Variants in GSE1 observed in about 807,000 individuals in gnomAD.
GSE1 encodes the protein Gse1 coiled-coil protein.
A neutral mutation model predicts 112.6 loss-of-function variants in GSE1; 32 were observed. That is an observed-to-expected ratio of 0.28 (90% CI 0.21 to 0.38). The LOEUF (loss-of-function observed/expected upper bound fraction) is 0.38. GSE1 is among the 10% of genes least tolerant of loss of function. The probability of loss-of-function intolerance (pLI) is 1.00; values close to 1 mark genes in which losing one functional copy is unlikely to be tolerated. For synonymous variants in GSE1, 1,115 were observed against 735.6 expected, an observed-to-expected ratio of 1.52 and a Z score of -8.35; for missense variants, 2,348 against 1,699.2, an observed-to-expected ratio of 1.38 and a Z score of -6.71.
rs550530556 is a variant in GSE1, at chr16:85,329,170, C to A, written c.2284-28293C>A. The stretch of plus-strand genomic sequence containing the variant: ...CCACAGCCTTGGCATCAAACCAAGC[C>A]CAGCTAGAAACCCAGCATCGCCCTT... On this transcript the variant is annotated intron_variant, in intron 1 of 2. Coordinates refer to the GSE1 transcript ENST00000637419. 1.1e-4 allele frequency among the ~76,000 whole-genome samples: 16 copies of A among 152,324 alleles called. No homozygotes were observed. In the East Asian group the frequency reaches 3.1e-3, roughly 29 times the overall value.
chr16:85,645,850 C>T (rs1022393411), intron 2 of GSE1, among the ~76,000 whole-genome samples: 2 of 151,908 alleles, frequency 1.3e-5, no homozygotes, highest in African/African-American at 2.4e-5. Flanking sequence ...CCTATGCATG[C>T]ATTCTACCTG....
intron 1 of GSE1, among the ~76,000 whole-genome samples, chr16:85,237,839 C>G (rs954089114): frequency 7.3e-6 from 1 of 137,180 alleles, no homozygotes; most frequent in East Asian, 2.6e-4. Context: ...CTCTGTCCCC[C>G]GCAAAAAAAA....
chr16:85,618,810 G>GCGA (rs1016447342), intron 1 of GSE1, among the ~76,000 whole-genome samples: 23 of 152,216 alleles, frequency 1.5e-4, no homozygotes, highest in African/African-American at 5.1e-4. Flanking sequence ...GATGCGTGCC[G>GCGA]CGACACCTGG....
chr16:85,246,035 C>CTT (rs1905628671), intron 1 of GSE1, among the ~76,000 whole-genome samples: 1 of 151,296 alleles, frequency 6.6e-6, no homozygotes, highest in Admixed American at 6.6e-5. Context: ...TGGGGGTTGT[C>CTT]TGCATGTGTT....
chr16:85,181,524 C>T (rs116858741), intron 1 of GSE1, among the ~76,000 whole-genome samples: 24 of 152,338 alleles, frequency 1.6e-4, no homozygotes, highest in Non-Finnish European at 3.1e-4. Context: ...AGGAGGCCGC[C>T]GTGCTCTCTC....
intron 1 of GSE1, among the ~76,000 whole-genome samples, chr16:85,243,697 T>TGTGTGTGGACGCATCTGTGC (rs1265681362): frequency 6.6e-6 from 1 of 152,168 alleles, no homozygotes; most frequent in Non-Finnish European, 1.5e-5. Context: ...CAGGTGAGCA[T>TGTGTGTGGACGCATCTGTGC]GTGTGTGGAC....
Position 85,331,357 on chromosome 16 carries a change from G to GTATATATATATA in GSE1, c.2284-26105_2284-26104insATATATATATAT, listed in dbSNP as rs1161946667. ...TGTGTGTGTGTGTGTGTGTGTGTGT[G>GTATATATATATA]TGTGTGTGTATATATGTATATATAT... On this transcript the variant is annotated intron_variant, in intron 1 of 2. Transcript: ENST00000637419. Among the ~76,000 whole-genome samples, 56 of 57,152 alleles carry GTATATATATATA rather than the reference G, an allele frequency of 9.8e-4. 1 individual carries two copies. Among genetic ancestry groups the GTATATATATATA allele is most frequent in the Middle Eastern group, 9.6e-3 (1 of 104 alleles). 37.5% of individuals were successfully genotyped at this position (57,152 alleles called of 152,430 possible).
intron 1 of GSE1, among the ~76,000 whole-genome samples, chr16:85,284,243 G>A (rs1005713254): frequency 6.6e-6 from 1 of 152,234 alleles, no homozygotes; most frequent in African/African-American, 2.4e-5. Flanking sequence ...CTCTTGGCGT[G>A]TAATCACAGC....
At chr16:85,375,055 C>T (rs1461468413) in intron 2 of GSE1, among the ~76,000 whole-genome samples, 2 of 152,182 alleles carry the variant, frequency 1.3e-5, no homozygotes, top group Non-Finnish European at 2.9e-5. Context: ...GGATGAGCCA[C>T]CTAATCTCTC....
chr16:85,219,463 T>TGGCCTGGGTCC (rs1176390481), intron 1 of GSE1, among the ~76,000 whole-genome samples: 1 of 152,214 alleles, frequency 6.6e-6, no homozygotes, highest in Non-Finnish European at 1.5e-5. Flanking sequence ...GGCCTGGGGC[T>TGGCCTGGGTCC]GGCCTGGGTC....
intron 1 of GSE1, among the ~76,000 whole-genome samples, chr16:85,562,228 C>T (rs751357471): frequency 6.6e-6 from 1 of 152,206 alleles, no homozygotes; most frequent in Admixed American, 6.5e-5. Context: ...CAGGCAGTCA[C>T]TAATTAATCT....
chr16:85,649,641 C>G (rs74034013), intron 3 of GSE1, among the ~76,000 whole-genome samples: 1 of 152,150 alleles, frequency 6.6e-6, no homozygotes, highest in Non-Finnish European at 1.5e-5. Flanking sequence ...CCCGGCCCCC[C>G]ACCCCTGGCG....
chr16:85,452,091 C>T (rs1016908139), intron 2 of GSE1, among the ~76,000 whole-genome samples: 5 of 151,998 alleles, frequency 3.3e-5, no homozygotes, highest in East Asian at 1.9e-4. Context: ...TCTTTGTCCC[C>T]GCCAGAGAGA....
intron 2 of GSE1, among the ~76,000 whole-genome samples, chr16:85,634,828 G>A (rs113685666): frequency 2.0e-5 from 3 of 152,280 alleles, no homozygotes; most frequent in East Asian, 1.9e-4. Context: ...TGGCGCCTGC[G>A]ATGACCATTG....
chr16:85,373,442 C>A lies in GSE1; in HGVS notation c.2464+15799C>A, dbSNP rs141840774. Reference sequence around the variant, plus strand: ...GGGAAGAGCAGAGGAGGGGAGGGGACGAGAACCTCTCCCCCTCCGCTGCTT... The same window carrying A: ...GGGAAGAGCAGAGGAGGGGAGGGGAAGAGAACCTCTCCCCCTCCGCTGCTT... On this transcript the variant is annotated intron_variant, in intron 2 of 2. Transcript: ENST00000637419. The surrounding 1 kb of genome is among the most constrained non-coding windows in gnomAD (Gnocchi z 5.1). Among the ~76,000 whole-genome samples, 5 of 151,932 alleles carry A rather than the reference C, an allele frequency of 3.3e-5. No homozygotes were observed. The highest frequency in any genetic ancestry group is 7.4e-5 in the Non-Finnish European group (5 of 67,988).
rs1162207888 is a variant in GSE1 at position 85,654,950 on chromosome 16, C to T, written c.756C>T (p.Pro252=). The T allele has an allele frequency of 1.2e-5, 19 of 1,609,430 alleles. No homozygotes were observed. Among genetic ancestry groups the T allele is most frequent in the South Asian group, 2.2e-5 (2 of 90,836 alleles). Residue 252 remains proline, a synonymous_variant, in exon 5 of 16, where the codon CCC becomes CCT. Coordinates refer to ENST00000253458, the MANE Select transcript of GSE1 (RefSeq NM_014615.5). The part of the protein sequence containing the change: ...DPATAAAYYH[P]SYLAPHPFPH... The stretch of plus-strand genomic sequence containing the variant: ...CCACTGCTGCAGCCTACTACCACCC[C>T]AGCTACCTGGCCCCACACCCCTTCC...
At chr16:85,179,578 G>A (rs2074539810) in intron 1 of GSE1, among the ~76,000 whole-genome samples, 1 of 152,160 alleles carries the variant, frequency 6.6e-6, no homozygotes, top group Admixed American at 6.5e-5. Context: ...TTTCCCGTTG[G>A]GGGTTTTCAG....
chr16:85,240,465 C>G (rs1448466980), intron 1 of GSE1, among the ~76,000 whole-genome samples: 1 of 152,374 alleles, frequency 6.6e-6, no homozygotes, highest in Non-Finnish European at 1.5e-5. Context: ...AACGTCTCTC[C>G]TGGGGCTGCT....
intron 2 of GSE1, among the ~76,000 whole-genome samples, chr16:85,521,921 G>A (rs557863555): frequency 1.4e-4 from 22 of 152,376 alleles, no homozygotes; most frequent in Middle Eastern, 3.4e-3. Flanking sequence ...TCCCGTGACA[G>A]AGCGTGCCAG....
Sources: allele counts gnomAD v4.1 joint callset (sites outside exome capture counted in the v4.1 genomes callset), GRCh38; gene constraint gnomAD v4.1.1; non-coding constraint Gnocchi (gnomAD v3.1); transcripts MANE v1.5; gene names NCBI Gene and HGNC (gene_info 2026-07-23, HGNC 2026-07-21).